Variants in HACL2 observed in about 807,000 individuals in gnomAD.
HACL2 encodes the protein 2-hydroxyacyl-CoA lyase 2, also known as 2-hydroxyacyl-CoA lyase 1 like.
the HACL2 span, chr19:15,119,988 CG>C: frequency 1.3e-6 from 2 of 1,547,356 alleles, no homozygotes; most frequent in Non-Finnish European, 1.7e-6. Context: ...TCACCTGCTG[CG>C]GGGAAGCCTG....
the HACL2 span, chr19:15,115,233 C>T: frequency 5.6e-6 from 9 of 1,613,748 alleles, no homozygotes; most frequent in South Asian, 3.3e-5. Flanking sequence ...GGCAGCCAAG[C>T]GTCCTGACCC....
the HACL2 span, among the ~76,000 whole-genome samples, chr19:15,118,770 C>T: frequency 2.0e-4 from 30 of 152,296 alleles, no homozygotes; most frequent in East Asian, 4.8e-3. Flanking sequence ...AACTCTATGA[C>T]CCCAGCTGAG....
chr19:15,123,839 A>C, the HACL2 span: 3 of 527,532 alleles, frequency 5.7e-6, no homozygotes, highest in Non-Finnish European at 1.0e-5. The surrounding 1 kb of genome is among the most constrained non-coding windows in gnomAD (Gnocchi z 5.1). Flanking sequence ...GTTCAATAGA[A>C]CCCACGCTCT....
chr19:15,115,546 C>T, the HACL2 span: 6 of 1,608,910 alleles, frequency 3.7e-6, no homozygotes, highest in Admixed American at 1.7e-5. Flanking sequence ...GTCCTCCCAA[C>T]CTCGCTGAGG....
At chr19:15,124,578 C>T in the HACL2 span, 1 of 308,528 alleles carries the variant, frequency 3.2e-6, no homozygotes, top group Admixed American at 4.8e-5. Flanking sequence ...GTCACTGCCA[C>T]CCCCTCGCTG....
At chr19:15,119,563 T>C in the HACL2 span, 1 of 1,512,236 alleles carries the variant, frequency 6.6e-7, no homozygotes, top group East Asian at 2.3e-5. Context: ...ATTTATTTAT[T>C]TTTTTGAGAC....
chr19:15,122,705 C>T, the HACL2 span: 22 of 1,613,912 alleles, frequency 1.4e-5, no homozygotes, highest in Admixed American at 3.3e-5. The surrounding 1 kb of genome is among the most constrained non-coding windows in gnomAD (Gnocchi z 4.0). Context: ...GGAGACCACT[C>T]GGCCCACGAG....
the HACL2 span, chr19:15,119,525 G>A: frequency 9.9e-6 from 16 of 1,610,108 alleles, no homozygotes; most frequent in Non-Finnish European, 1.4e-5. Context: ...CCTGGAGCGA[G>A]AGGTGGGGAT....
chr19:15,125,311 C>T, the HACL2 span: 1 of 526,196 alleles, frequency 1.9e-6, no homozygotes, highest in South Asian at 2.5e-5. Flanking sequence ...ATCACCACCA[C>T]TCCCACCCAA....
chr19:15,115,226 A>T, the HACL2 span: 6 of 1,613,486 alleles, frequency 3.7e-6, no homozygotes, highest in Admixed American at 1.7e-5. Flanking sequence ...GCAGGAAGGC[A>T]GCCAAGCGTC....
chr19:15,124,449 A>C, the HACL2 span: 1 of 156,858 alleles, frequency 6.4e-6, no homozygotes, highest in East Asian at 1.9e-4. Context: ...TCTGAGCCTC[A>C]GCTTCCTCTT....
chr19:15,118,980 T>A, the HACL2 span, among the ~76,000 whole-genome samples: 2 of 152,208 alleles, frequency 1.3e-5, no homozygotes, highest in Admixed American at 1.3e-4. Flanking sequence ...TGGGGATGGT[T>A]GTTACAGGGC....
At chr19:15,123,513 C>T in the HACL2 span, 3 of 1,614,074 alleles carry the variant, frequency 1.9e-6, no homozygotes, top group Non-Finnish European at 2.5e-6. This position sits in a 1 kb window ranked among gnomAD's most constrained non-coding sequence, Gnocchi z 5.1. Flanking sequence ...ATGAACCGCA[C>T]ACCATGGGCC....
chr19:15,117,817 C>G, the HACL2 span: 1 of 1,595,004 alleles, frequency 6.3e-7, no homozygotes, highest in South Asian at 1.1e-5. Flanking sequence ...CCAGCTGCAG[C>G]AGAAACCAGG....
chr19:15,115,270 A>G, the HACL2 span: 1 of 1,614,178 alleles, frequency 6.2e-7, no homozygotes. Context: ...CAATGGAGCC[A>G]TCGCGGAAGT....
the HACL2 span, chr19:15,123,172 GA>G: frequency 6.2e-7 from 1 of 1,614,028 alleles, no homozygotes; most frequent in Non-Finnish European, 8.5e-7. This position sits in a 1 kb window ranked among gnomAD's most constrained non-coding sequence, Gnocchi z 5.1. Context: ...TGAGCCATCT[GA>G]GCATTCTTCA....
chr19:15,116,484 G>A, the HACL2 span: 1 of 1,613,828 alleles, frequency 6.2e-7, no homozygotes, highest in Non-Finnish European at 8.5e-7. Flanking sequence ...TGGCCCTGAA[G>A]GCCCTCCACT....
chr19:15,122,596 C>A, the HACL2 span: 1 of 1,015,084 alleles, frequency 9.9e-7, no homozygotes, highest in South Asian at 1.4e-5. The surrounding 1 kb of genome is among the most constrained non-coding windows in gnomAD (Gnocchi z 4.0). Context: ...TGTCTCCTCC[C>A]AGTCCACATG....
the HACL2 span, chr19:15,115,069 G>T: frequency 1.4e-6 from 1 of 690,968 alleles, no homozygotes; most frequent in Non-Finnish European, 2.5e-6. Context: ...TCCGTGAAGA[G>T]GAGGGTCCAA....
Sources: gnomAD v4.1 joint callset for allele counts (sites outside exome capture counted in the v4.1 genomes callset) on GRCh38, gnomAD v4.1.1 for gene constraint, Gnocchi (gnomAD v3.1) non-coding constraint, MANE v1.5 for transcripts, NCBI Gene and HGNC (gene_info 2026-07-23, HGNC 2026-07-21) for gene names.